XPOT: variants seen among roughly 807,000 people sequenced by gnomAD.
The protein encoded by XPOT is exportin-T.
Under a neutral mutation model 128.2 loss-of-function variants are expected in XPOT, and 34 were observed. That is an observed-to-expected ratio of 0.27 (90% confidence interval 0.20 to 0.35). The LOEUF (loss-of-function observed/expected upper bound fraction) is 0.35, where lower values mean the gene tolerates loss of function less well. Ranked by LOEUF, XPOT falls within the 10% of genes least tolerant of loss-of-function variation. The probability of loss-of-function intolerance (pLI) is 1.00; values close to 1 mark genes in which losing one functional copy is unlikely to be tolerated. For missense variants in XPOT, 838 were observed against 1,125.3 expected, an observed-to-expected ratio of 0.74 and a Z score of 3.65; for synonymous variants, 348 against 394.3, an observed-to-expected ratio of 0.88 and a Z score of 1.39.
intron 11 of XPOT, among the ~76,000 whole-genome samples, chr12:64,423,883 G>A (rs1206798329): frequency 1.3e-5 from 2 of 152,138 alleles, no homozygotes; most frequent in Non-Finnish European, 2.9e-5. Flanking sequence ...TGTATTGGCA[G>A]AGTGGAAATG....
At chr12:64,416,581 A>T in intron 3 of XPOT, 117 bp from the exon 4 acceptor site, 1 of 745,482 alleles carries the variant, frequency 1.3e-6, no homozygotes, top group African/African-American at 1.7e-5. Context: ...AGTATGAAAC[A>T]AGCCAAAGGT....
In XPOT at chr12:64,418,911, A is replaced by C; in HGVS notation, c.306A>C (p.Arg102=). ...LNPQPEKTFI[R]NKAAQVFALL... ...CCCAACCAGAGAAGACCTTTATACG[A>C]AATAAAGCCGCCCAAGTCTTCGCCT... The change falls in exon 6 of 25, where the codon CGA becomes CGC. Residue 102 remains arginine, a synonymous_variant. Transcript: ENST00000332707. The C allele has an allele frequency of 6.2e-7, 1 of 1,613,958 alleles. No homozygotes were observed. Among genetic ancestry groups the C allele is most frequent in the Non-Finnish European group, 8.5e-7 (1 of 1,179,868 alleles).
intron 2 of XPOT, among the ~76,000 whole-genome samples, chr12:64,412,216 G>A (rs1226184657): frequency 1.3e-5 from 2 of 151,842 alleles, no homozygotes; most frequent in Non-Finnish European, 2.9e-5. Flanking sequence ...TGGTGGAGAC[G>A]GGGTTTCACC....
intron 23 of XPOT, among the ~76,000 whole-genome samples, chr12:64,444,563 A>G (rs918973359): frequency 3.3e-5 from 5 of 152,198 alleles, no homozygotes; most frequent in Non-Finnish European, 2.9e-5. Flanking sequence ...TTAAAAGACA[A>G]TGCTCTATGA....
chr12:64,430,815 T>G (rs1291940249), intron 17 of XPOT, among the ~76,000 whole-genome samples: 1 of 152,234 alleles, frequency 6.6e-6, no homozygotes, highest in Non-Finnish European at 1.5e-5. Flanking sequence ...TATAAAGAAT[T>G]CTGAAGATGG....
intron 15 of XPOT, among the ~76,000 whole-genome samples, chr12:64,427,009 A>T (rs148052400): frequency 1.2e-3 from 188 of 151,412 alleles, no homozygotes; most frequent in East Asian, 5.6e-3. Flanking sequence ...AGATGGAAAT[A>T]AAAAAAAAGT....
chr12:64,423,809 A>C (rs1389785990), intron 11 of XPOT, among the ~76,000 whole-genome samples: 3 of 152,102 alleles, frequency 2.0e-5, no homozygotes, highest in African/African-American at 7.2e-5. Flanking sequence ...AAATATTGAT[A>C]ATATTATTGG....
At chr12:64,408,798 C>T (rs771067436) in intron 1 of XPOT, among the ~76,000 whole-genome samples, 7 of 152,024 alleles carry the variant, frequency 4.6e-5, no homozygotes, top group Non-Finnish European at 1.0e-4. Flanking sequence ...CTCAGTCACC[C>T]GAGTAGCTGG....
In XPOT at chr12:64,433,594, G is replaced by A. The variant is rs2040257291; in HGVS notation, c.2443G>A (p.Ala815Thr). 1.2e-6 allele frequency: 2 copies of A among 1,600,280 alleles called. No homozygotes were observed. The highest frequency in any genetic ancestry group is 1.7e-6 in the Non-Finnish European group (2 of 1,171,224). ...AGGCAGTGGGATGAGCGAAGTTATAGCAAATCAAGGTGGGAACACATGCCA... is the reference window on the plus strand; with the variant it reads ...AGGCAGTGGGATGAGCGAAGTTATAACAAATCAAGGTGGGAACACATGCCA... ...VTGSGMSEVI[A>T]NQGAENVERV... is the part of the protein sequence containing the mutation. Residue 815 changes from alanine (A) to threonine (T), a missense_variant, in exon 19 of 25, where the codon GCA (alanine) becomes ACA (threonine). Physicochemically the swap from Ala to Thr is moderately conservative, Grantham distance 58. Coordinates refer to ENST00000332707, the MANE Select transcript of XPOT (RefSeq NM_007235.6).
Position 64,424,679 on chromosome 12 carries a change from G to A in XPOT, c.1263G>A (p.Glu421=). 1 of 1,613,216 alleles carries A rather than the reference G, an allele frequency of 6.2e-7. No individual in the cohort carries two copies. The highest frequency in any genetic ancestry group is 8.5e-7 in the Non-Finnish European group (1 of 1,179,976). The stretch of plus-strand genomic sequence containing the variant: ...ACAGGCTTGCTCAAGTTTCACCAGA[G>A]TTACTACTGGCCTCTGTTCGCAGAG... ...LLDRLAQVSP[E]LLLASVRRVF... Residue 421 remains glutamate (E), a synonymous_variant, in exon 12 of 25, where the codon GAG becomes GAA. Transcript: ENST00000332707.
At chr12:64,423,746 AC>A (rs1260237753) in intron 11 of XPOT, among the ~76,000 whole-genome samples, 1 of 152,062 alleles carries the variant, frequency 6.6e-6, no homozygotes, top group Non-Finnish European at 1.5e-5. Context: ...GAGCCACTGC[AC>A]CTGTCCCATT....
chr12:64,426,080 G>A (rs1351093948), intron 15 of XPOT, among the ~76,000 whole-genome samples, 171 bp downstream of exon 15: 1 of 152,018 alleles, frequency 6.6e-6, no homozygotes, highest in African/African-American at 2.4e-5. Flanking sequence ...CACTCTGGGA[G>A]GCCGATCACA....
rs764557110 is a variant in XPOT, at chr12:64,423,227, T to C, written c.1165T>C (p.Tyr389His). The C allele has an allele frequency of 1.3e-6, 2 of 1,583,300 alleles. No homozygotes were observed. The highest frequency in any genetic ancestry group is 3.9e-5 in the Admixed American group (2 of 51,212). Residue 389 changes from tyrosine (Y) to histidine (H), a missense_variant, in exon 11 of 25, where the codon TAT (tyrosine) becomes CAT (histidine). Around this residue, in one of 3 missense-constraint regions of XPOT, gnomAD observed 761 missense variants for 988.3 expected, o/e 0.77. Coordinates refer to ENST00000332707, the MANE Select transcript of XPOT (RefSeq NM_007235.6). ...GAAAAAATTGACTTACGATGAAGAA[T>C]ATAACTTTGAAAATGAGGTAAGAAT... The part of the protein sequence containing the change: ...VMKKLTYDEE[Y>H]NFENEGEDEA...
At chr12:64,445,784 TAC>T (rs1006434518) in intron 24 of XPOT, among the ~76,000 whole-genome samples, 7 of 152,332 alleles carry the variant, frequency 4.6e-5, no homozygotes, top group South Asian at 4.1e-4. Context: ...GAAATAAAGT[TAC>T]AGTGTGACAA....
chr12:64,414,955 G>C lies in XPOT; in HGVS notation c.109G>C (p.Val37Leu). 2 of 1,613,750 alleles carry C rather than the reference G, an allele frequency of 1.2e-6. No individual in the cohort carries two copies. The highest frequency in any genetic ancestry group is 1.7e-6 in the Non-Finnish European group (2 of 1,179,840). ...QLKISPDAWQ[V>L]CAEALAQRTY... ...AAAAATTTCCCCAGATGCCTGGCAG[G>C]TGTGTGCAGAAGCTCTAGCCCAGAG... Residue 37 changes from valine (V) to leucine (L), a missense_variant, in exon 3 of 25, where the codon GTG (valine) becomes CTG (leucine). This residue lies in a region of XPOT where 761 missense variants were observed against 988.3 expected (regional missense o/e 0.77). Transcript: ENST00000332707.
chr12:64,427,692 C>A (rs1433886615), intron 15 of XPOT, among the ~76,000 whole-genome samples: 1 of 151,910 alleles, frequency 6.6e-6, no homozygotes, highest in Non-Finnish European at 1.5e-5. Flanking sequence ...TCAGTCTCAC[C>A]ACATTGCCCA....
At chr12:64,433,380 A>C in intron 18 of XPOT, 34 bp from the exon 19 acceptor site, 1 of 1,496,214 alleles carries the variant, frequency 6.7e-7, no homozygotes, top group Non-Finnish European at 8.9e-7. Flanking sequence ...TAATATTGTT[A>C]CTAATTTCTG....
intron 23 of XPOT, among the ~76,000 whole-genome samples, chr12:64,442,080 G>T (rs563598952): frequency 5.0e-5 from 7 of 139,430 alleles, no homozygotes; most frequent in Non-Finnish European, 6.2e-5. Context: ...TGTGTAAAGT[G>T]GGGGGGGGAC....
Position 64,417,334 on chromosome 12 carries a change from A to G in XPOT, c.200+580A>G, listed in dbSNP as rs558975247. Among the ~76,000 whole-genome samples the G allele has an allele frequency of 2.0e-5, 3 of 152,360 alleles. No homozygotes were observed. In the South Asian group the frequency reaches 6.2e-4, roughly 32 times the overall value. On this transcript the variant is annotated intron_variant, in intron 4 of 24. Coordinates refer to ENST00000332707, the MANE Select transcript of XPOT (RefSeq NM_007235.6). ...CAAGGCAAGAGGATCGTTTGAGCTC[A>G]GGAGTTTGAGACCAGCCTAGGCAAC...
Sources: gnomAD v4.1 joint callset for allele counts (sites outside exome capture counted in the v4.1 genomes callset) on GRCh38, gnomAD v4.1.1 for gene constraint, gnomAD v4.1.1 regional missense constraint, MANE v1.5 for transcripts, NCBI Gene and HGNC (gene_info 2026-07-23, HGNC 2026-07-21) for gene names.